The following SECISBP2 variants were observed in gnomAD, a reference collection of about 807,000 sequenced individuals.
The protein encoded by SECISBP2 is selenocysteine insertion sequence-binding protein 2.
Under a neutral mutation model 98.2 loss-of-function variants are expected in SECISBP2, and 96 were observed. That is an observed-to-expected ratio of 0.98 (90% CI 0.83 to 1.16). The LOEUF (loss-of-function observed/expected upper bound fraction) is 1.16, where lower values mean the gene tolerates loss of function less well. Among genes scored for constraint, SECISBP2 ranks in the 50% most tolerant of loss-of-function variants. The pLI, the probability that SECISBP2 is intolerant of heterozygous loss-of-function variation, is 0.00. For missense variants in SECISBP2, 1,046 were observed against 1,022.9 expected (o/e 1.02, Z -0.31); for synonymous variants, 407 against 370.2 (o/e 1.10, Z -1.14).
At chr9:89,327,765 C>G (rs1348964937) in intron 4 of SECISBP2, among the ~76,000 whole-genome samples, 1 of 151,968 alleles carries the variant, frequency 6.6e-6, no homozygotes, top group Non-Finnish European at 1.5e-5. Context: ...TCCTGAGGGA[C>G]CTGCCTGAAG....
At chr9:89,345,840 A>G (rs1830341883) in intron 10 of SECISBP2, among the ~76,000 whole-genome samples, 1 of 152,232 alleles carries the variant, frequency 6.6e-6, no homozygotes, top group Non-Finnish European at 1.5e-5. Context: ...ACATAGTCAC[A>G]TGTATGTTTC....
chr9:89,339,820 G>A, intron 8 of SECISBP2, 44 bp from the exon 9 acceptor site: 2 of 1,340,188 alleles, frequency 1.5e-6, no homozygotes, highest in East Asian at 2.3e-5. Flanking sequence ...CACTTGGCAT[G>A]TTTGCATTAA....
chr9:89,332,918 T>G lies in SECISBP2; in HGVS notation c.812T>G (p.Val271Gly). ...PAAVLSKGEIVVKNNPNESVT... is the reference protein window; with the variant it reads ...PAAVLSKGEIGVKNNPNESVT... ...GTGTTTGCTTTTTAGGGTGAAATAG[T>G]GGTGAAAAATAACCCAAATGAATCT... The change falls in exon 6 of 17, where the codon GTG becomes GGG. Residue 271 changes from valine to glycine, a missense_variant. By Grantham distance (109) the Val-to-Gly change is moderately radical. Transcript: ENST00000375807. The G allele has an allele frequency of 6.2e-7, 1 of 1,613,588 alleles. No individual in the cohort carries two copies. The highest frequency in any genetic ancestry group is 8.5e-7 in the Non-Finnish European group (1 of 1,179,640).
intron 14 of SECISBP2, chr9:89,354,658 G>A: frequency 2.8e-6 from 1 of 361,658 alleles, no homozygotes; most frequent in Non-Finnish European, 3.8e-6. Flanking sequence ...TTAAGGTGGT[G>A]GGAACCCTCC....
chr9:89,355,373 G>C (rs1831908690), intron 14 of SECISBP2: 1 of 985,398 alleles, frequency 1.0e-6, no homozygotes, highest in African/African-American at 1.7e-5. Flanking sequence ...TTCCCTCCCA[G>C]GGTGGTGTGA....
At chr9:89,320,526 G>A (rs745763557) in intron 2 of SECISBP2, among the ~76,000 whole-genome samples, 5 of 152,100 alleles carry the variant, frequency 3.3e-5, no homozygotes, top group Admixed American at 1.3e-4. Context: ...CTTGTTGAGC[G>A]AAGGGGAGGG....
intron 10 of SECISBP2, among the ~76,000 whole-genome samples, chr9:89,346,309 A>G (rs1407314940): frequency 1.3e-5 from 2 of 152,246 alleles, no homozygotes; most frequent in Non-Finnish European, 2.9e-5. Flanking sequence ...TTTACTGACT[A>G]TGTAGAGGAA....
chr9:89,334,745 A>C lies in SECISBP2; in HGVS notation c.1089+15A>C. 1 of 1,597,608 alleles carries C rather than the reference A, an allele frequency of 6.3e-7. No homozygotes were observed. The highest frequency in any genetic ancestry group is 1.1e-5 in the South Asian group (1 of 90,644). On this transcript the variant is annotated intron_variant, in intron 7 of 16. Transcript: ENST00000375807. ...CTACCCAAAAGGTACGTGTCACTAG[A>C]GACAGAAAGTAGGATGGTGGTTGCC...
chr9:89,348,820 T>C (rs1830826370), intron 12 of SECISBP2, among the ~76,000 whole-genome samples: 1 of 152,284 alleles, frequency 6.6e-6, no homozygotes, highest in African/African-American at 2.4e-5. Flanking sequence ...GCTCTCTTTG[T>C]CCCCTTTCCT....
At chr9:89,348,958 G>C (rs1486509420) in intron 12 of SECISBP2, among the ~76,000 whole-genome samples, 1 of 152,234 alleles carries the variant, frequency 6.6e-6, no homozygotes, top group Non-Finnish European at 1.5e-5. Flanking sequence ...AAACAGGGTT[G>C]CTGCGGACAG....
chr9:89,346,558 A>C (rs1407804256), intron 10 of SECISBP2, among the ~76,000 whole-genome samples: 1 of 152,050 alleles, frequency 6.6e-6, no homozygotes, highest in Non-Finnish European at 1.5e-5. Flanking sequence ...CCTGAGTCAG[A>C]AAATGAGATC....
chr9:89,324,660 TAC>T (rs1234017224), intron 2 of SECISBP2: 1 of 152,574 alleles, frequency 6.6e-6, no homozygotes, highest in Non-Finnish European at 1.5e-5. Context: ...AGTGTACTAG[TAC>T]ATTTTGGAAT....
chr9:89,361,659 T>C (rs1832775674), downstream of SECISBP2: 1 of 152,262 alleles, frequency 6.6e-6, no homozygotes, highest in African/African-American at 2.4e-5. Flanking sequence ...CTATTTGGCT[T>C]TCTGCATCAA....
At chr9:89,358,224 A>T (rs1384546612) in intron 16 of SECISBP2, 33 bp downstream of exon 16, 11 of 1,591,408 alleles carry the variant, frequency 6.9e-6, no homozygotes, top group Middle Eastern at 1.7e-4. Flanking sequence ...TGTCAGGTCG[A>T]GTGTCCTCTT....
downstream of SECISBP2, chr9:89,363,503 G>C: frequency 1.2e-6 from 2 of 1,614,030 alleles, no homozygotes; most frequent in Non-Finnish European, 1.7e-6. Flanking sequence ...GAGCTCTCTG[G>C]TCCACCTCTC....
chr9:89,361,609 A>T (rs570899822), downstream of SECISBP2: 1 of 152,372 alleles, frequency 6.6e-6, no homozygotes, highest in South Asian at 2.1e-4. Flanking sequence ...TTCCATCGTC[A>T]AGAAATTTAA....
rs1220229531 is a variant in SECISBP2, at chr9:89,348,222, C to T, written c.1738+8C>T. The T allele has an allele frequency of 6.2e-7, 1 of 1,613,898 alleles. No individual in the cohort carries two copies. Among genetic ancestry groups the T allele is most frequent in the South Asian group, 1.1e-5 (1 of 91,086 alleles). On this transcript the variant is annotated splice_region_variant and intron_variant, in intron 12 of 16. Transcript: ENST00000375807. ...AGCAGGCAGAGCTGTCAGGTACCAA[C>T]TTCTCTTTGTGCCTTAAGAATAATT...
intron 6 of SECISBP2, 64 bp downstream of exon 6, chr9:89,333,050 C>T: frequency 2.2e-6 from 3 of 1,350,624 alleles, no homozygotes; most frequent in Non-Finnish European, 3.2e-6. Context: ...TCATTTTTAA[C>T]TCCAGTGCAG....
At chr9:89,354,534 C>A (rs950060454) in intron 14 of SECISBP2, among the ~76,000 whole-genome samples, 8 of 152,188 alleles carry the variant, frequency 5.3e-5, no homozygotes, top group Admixed American at 5.2e-4. Context: ...GCCGGTCACG[C>A]AGGCATCCTC....
Sources: allele counts gnomAD v4.1 joint callset (sites outside exome capture counted in the v4.1 genomes callset), GRCh38; gene constraint gnomAD v4.1.1; transcripts MANE v1.5; gene names NCBI Gene and HGNC (gene_info 2026-07-23, HGNC 2026-07-21).